Variants in DHRS7C observed in about 807,000 individuals in gnomAD.
The protein encoded by DHRS7C is dehydrogenase/reductase SDR family member 7C.
A neutral mutation model predicts 29.6 loss-of-function variants in DHRS7C; 28 were observed. The ratio of observed to expected loss-of-function variants is 0.95; its 90% CI spans 0.70 to 1.30. The LOEUF (loss-of-function observed/expected upper bound fraction) is 1.30, where lower values mean the gene tolerates loss of function less well. DHRS7C is among the 50% of genes most tolerant of loss of function. The pLI is 0.00. For synonymous variants in DHRS7C, 158 were observed against 160.2 expected (o/e 0.99, Z 0.10); for missense variants, 403 against 393.3 (o/e 1.02, Z -0.21).
At chr17:9,782,942 G>A (rs2066401456) in intron 1 of DHRS7C, 1 of 152,316 alleles carries the variant, frequency 6.6e-6, no homozygotes, top group African/African-American at 2.4e-5. Flanking sequence ...GCTGCAGGTG[G>A]AGAGAAGGGA....
chr17:9,773,928 G>T (rs1020183430), intron 4 of DHRS7C, among the ~76,000 whole-genome samples: 1 of 151,904 alleles, frequency 6.6e-6, no homozygotes, highest in Non-Finnish European at 1.5e-5. Flanking sequence ...TCGCCATGTT[G>T]GCCAGGCTGG....
intron 4 of DHRS7C, among the ~76,000 whole-genome samples, chr17:9,776,012 G>A (rs1241360455): frequency 6.6e-6 from 1 of 152,162 alleles, no homozygotes; most frequent in East Asian, 1.9e-4. Context: ...GATCAGCCTG[G>A]CCAATATGGG....
Position 9,779,920 on chromosome 17 carries a change from C to A in DHRS7C, c.383G>T (p.Ser128Ile). Reference sequence around the variant, plus strand: ...ATGGGCAGGCCCCTTCACCTTCACACTGGCATTGTTGATGAGGATGTCCAC... The same window carrying A: ...ATGGGCAGGCCCCTTCACCTTCACAATGGCATTGTTGATGAGGATGTCCAC... ...GCVDILINNA[S>I]VKVKGPAHKI... The change falls in exon 3 of 6, where the codon AGT (serine) becomes ATT (isoleucine). Residue 128 changes from serine (S) to isoleucine (I), a missense_variant. Coordinates refer to ENST00000571134, the MANE Select transcript of DHRS7C (RefSeq NM_001105571.3). 6.2e-7 allele frequency: 1 copy of A among 1,613,964 alleles called. No individual in the cohort carries two copies. Among genetic ancestry groups the A allele is most frequent in the Non-Finnish European group, 8.5e-7 (1 of 1,179,890 alleles).
chr17:9,771,438 T>A lies in DHRS7C; in HGVS notation c.*50A>T. ...AGCATAGGACAGAAGCGCCAGCACCTGCCAGAAAAACCTTTATTTCCAAGG... is the reference window on the plus strand; with the variant it reads ...AGCATAGGACAGAAGCGCCAGCACCAGCCAGAAAAACCTTTATTTCCAAGG... On this transcript the variant is annotated 3_prime_UTR_variant, in exon 6 of 6. Transcript: ENST00000571134. 1.4e-6 allele frequency: 2 copies of A among 1,419,622 alleles called. No individual in the cohort carries two copies. Among genetic ancestry groups the A allele is most frequent in the Non-Finnish European group, 1.9e-6 (2 of 1,079,664 alleles). 87.9% of individuals were successfully genotyped at this position (1,419,622 alleles called of 1,614,324 possible). A position where few individuals can be genotyped will look rare whatever the true frequency, so the allele number is the denominator to read the frequency against.
intron 2 of DHRS7C, 82 bp from the exon 3 acceptor site, chr17:9,780,117 A>C: frequency 1.7e-6 from 2 of 1,190,880 alleles, no homozygotes. Context: ...TCTAAAAGCC[A>C]CCCATTTTGA....
rs1446622645 is a variant in DHRS7C at position 9,771,651 on chromosome 17, G to T, written c.773C>A (p.Ala258Glu). The T allele has an allele frequency of 1.9e-6, 3 of 1,584,234 alleles. No individual in the cohort carries two copies. The highest frequency in any genetic ancestry group is 1.7e-6 in the Non-Finnish European group (2 of 1,163,288). ...CCGCACGGTGCGCATCACCTCCTCC[G>T]CCACCTCTACTGGGTGCACGCCGTA... ...LTYGVHPVEV[A>E]EEVMRTVRRK... The change falls in exon 6 of 6, where the codon GCG becomes GAG. Residue 258 changes from alanine (A) to glutamate (E), a missense_variant. Coordinates refer to ENST00000571134, the MANE Select transcript of DHRS7C (RefSeq NM_001105571.3).
rs190667639 is a variant in DHRS7C at position 9,778,803 on chromosome 17, G to C, written c.478+1022C>G. ...AGAAGGTATTTGCAAGATCAGGCTA[G>C]ATCTCAGACCTTGCCAGGACACCCC... On this transcript the variant is annotated intron_variant, in intron 3 of 5. Coordinates refer to ENST00000571134, the MANE Select transcript of DHRS7C (RefSeq NM_001105571.3). 8.7e-4 allele frequency among the ~76,000 whole-genome samples: 133 copies of C among 152,320 alleles called. 1 individual carries two copies. The highest frequency in any genetic ancestry group is 1.4e-3 in the Non-Finnish European group (96 of 68,026).
rs142490809 is a variant in DHRS7C at position 9,779,588 on chromosome 17, G to A, written c.478+237C>T. On this transcript the variant is annotated intron_variant, in intron 3 of 5. Coordinates refer to ENST00000571134, the MANE Select transcript of DHRS7C (RefSeq NM_001105571.3). Reference sequence around the variant, plus strand: ...AAGTAAAAGGGCAAAGCTTGGGTGGGGAGAGGGGTTTCACAGAGATGGTGG... The same window carrying A: ...AAGTAAAAGGGCAAAGCTTGGGTGGAGAGAGGGGTTTCACAGAGATGGTGG... Among the ~76,000 whole-genome samples the A allele has an allele frequency of 3.8e-3, 580 of 152,284 alleles. 2 individuals carry two copies. The highest frequency in any genetic ancestry group is 0.013 in the African/African-American group (533 of 41,554).
intron 1 of DHRS7C, among the ~76,000 whole-genome samples, chr17:9,784,552 A>G (rs1388057380): frequency 1.3e-5 from 2 of 152,192 alleles, no homozygotes; most frequent in Non-Finnish European, 2.9e-5. Context: ...GTAAAGGACA[A>G]GACAAATTTA....
rs1208834681 is a variant in DHRS7C at position 9,777,368 on chromosome 17, C to T, written c.479-83G>A. On this transcript the variant is annotated intron_variant, in intron 3 of 5. Transcript: ENST00000571134. The stretch of plus-strand genomic sequence containing the variant: ...GCAGGCAGACCCCTGCCCCCGGTAC[C>T]CTCATCACAGGGCTCCGCTACCTCC... The T allele has an allele frequency of 3.5e-6, 4 of 1,142,302 alleles. No homozygotes were observed. In the Admixed American group the frequency reaches 6.4e-5, roughly 18 times the overall value. The allele number at this position is 1,142,302 out of a possible 1,614,324, so 70.8% of individuals were successfully genotyped here. A position where few individuals can be genotyped will look rare whatever the true frequency, so the allele number is the denominator to read the frequency against.
chr17:9,775,841 G>A lies in DHRS7C; in HGVS notation c.571+1352C>T, dbSNP rs547131818. ...ACGGTATTTAGAGATATTTAAAGAG[G>A]TGATTAATATAAAATGAGGGCATTA... On this transcript the variant is annotated intron_variant, in intron 4 of 5. Transcript: ENST00000571134. This position sits in a 1 kb window ranked among gnomAD's most constrained non-coding sequence, Gnocchi z 4.2. 6.6e-6 allele frequency among the ~76,000 whole-genome samples: 1 copy of A among 152,180 alleles called. No homozygotes were observed. The highest frequency in any genetic ancestry group is 1.5e-5 in the Non-Finnish European group (1 of 68,032).
intron 3 of DHRS7C, among the ~76,000 whole-genome samples, chr17:9,779,135 C>G (rs1319103982): frequency 6.6e-6 from 1 of 152,118 alleles, no homozygotes; most frequent in Non-Finnish European, 1.5e-5. Flanking sequence ...GTCTCGAATT[C>G]CTGACTTCAT....
Position 9,777,281 on chromosome 17 carries a change from C to T in DHRS7C, c.483G>A (p.Leu161=), listed in dbSNP as rs764745001. 6.2e-7 allele frequency: 1 copy of T among 1,613,166 alleles called. No homozygotes were observed. The highest frequency in any genetic ancestry group is 1.7e-5 in the Admixed American group (1 of 59,860). The change falls in exon 4 of 6, where the codon CTG becomes CTA. Residue 161 remains leucine (L), a synonymous_variant. Coordinates refer to ENST00000571134, the MANE Select transcript of DHRS7C (RefSeq NM_001105571.3). The part of the protein sequence containing the change: ...YFGPITLTKA[L]LPNMISRRTG... Reference sequence around the variant, plus strand: ...TTCTCCGGGAGATCATGTTGGGAAGCAGGGCTGGAAAACACAGGACGATGC... The same window carrying T: ...TTCTCCGGGAGATCATGTTGGGAAGTAGGGCTGGAAAACACAGGACGATGC...
intron 5 of DHRS7C, 106 bp downstream of exon 5, chr17:9,772,661 C>A: frequency 7.0e-7 from 1 of 1,420,376 alleles, no homozygotes; most frequent in Non-Finnish European, 9.4e-7. Flanking sequence ...CCCCCATCCC[C>A]AGACTCATGT....
At position 9,771,583 on chromosome 17, in the gene DHRS7C, C is replaced by G; in HGVS notation, c.841G>C (p.Ala281Pro). The G allele has an allele frequency of 6.3e-7, 1 of 1,596,436 alleles. No homozygotes were observed. Among genetic ancestry groups the G allele is most frequent in the African/African-American group, 1.3e-5 (1 of 74,328 alleles). Residue 281 changes from alanine (A) to proline (P), a missense_variant, in exon 6 of 6, where the codon GCC (alanine) becomes CCC (proline). Coordinates refer to ENST00000571134, the MANE Select transcript of DHRS7C (RefSeq NM_001105571.3). ...AAGAAGGTGCGGACGTACACGGCGG[C>G]CTTGGGGATGGGGTTGGCCATAAAC... ...EVFMANPIPK[A>P]AVYVRTFFPE...
chr17:9,779,160 C>T (rs1394292371), intron 3 of DHRS7C, among the ~76,000 whole-genome samples: 1 of 152,136 alleles, frequency 6.6e-6, no homozygotes, highest in Admixed American at 6.5e-5. Flanking sequence ...TGTCAACTTT[C>T]TATTCTACTC....
rs201098406 is a variant in DHRS7C at position 9,772,857 on chromosome 17, C to G, written c.637G>C (p.Asp213His). Residue 213 changes from aspartate (D) to histidine (H), a missense_variant, in exon 5 of 6, where the codon GAT becomes CAT. Asp to His is a moderately conservative substitution (Grantham distance 81, BLOSUM62 -1). Transcript: ENST00000571134. ...GGGCTCACGGTGCTGATGACAACAT[C>G]GTATTCCTCCACTTCGGCTCGGAGG... The part of the protein sequence containing the change: ...DCLRAEVEEY[D>H]VVISTVSPTF... The G allele has an allele frequency of 6.2e-7, 1 of 1,613,822 alleles. No individual in the cohort carries two copies. The highest frequency in any genetic ancestry group is 1.7e-5 in the Admixed American group (1 of 59,996).
At chr17:9,783,896 A>G (rs1041009323) in intron 1 of DHRS7C, among the ~76,000 whole-genome samples, 2 of 151,618 alleles carry the variant, frequency 1.3e-5, no homozygotes, top group Non-Finnish European at 2.9e-5. Flanking sequence ...AATTGAGATC[A>G]TGCCACTGCA....
At chr17:9,778,228 A>T (rs2066373281) in intron 3 of DHRS7C, among the ~76,000 whole-genome samples, 1 of 150,330 alleles carries the variant, frequency 6.7e-6, no homozygotes, top group Non-Finnish European at 1.5e-5. Context: ...TGTCTCTACT[A>T]AAAAAAATAC....
Sources: allele counts gnomAD v4.1 joint callset (sites outside exome capture counted in the v4.1 genomes callset), GRCh38; gene constraint gnomAD v4.1.1; non-coding constraint Gnocchi (gnomAD v3.1); transcripts MANE v1.5; gene names NCBI Gene and HGNC (gene_info 2026-07-23, HGNC 2026-07-21).